CYTH3: variants seen among roughly 807,000 people sequenced by gnomAD.
The protein encoded by CYTH3 is cytohesin-3.
A neutral mutation model predicts 55.1 loss-of-function variants in CYTH3; 23 were observed. The observed-to-expected ratio is 0.42, with a 90% CI of 0.30 to 0.59. The LOEUF (loss-of-function observed/expected upper bound fraction) is 0.59, where lower values mean the gene tolerates loss of function less well. CYTH3 is among the 20% of genes least tolerant of loss of function. The pLI, the probability that CYTH3 is intolerant of heterozygous loss-of-function variation, is 0.20. For missense variants in CYTH3, 413 were observed against 524.8 expected, an observed-to-expected ratio of 0.79 and a Z score of 2.08; for synonymous variants, 249 against 194.9, an observed-to-expected ratio of 1.28 and a Z score of -2.31.
At chr7:6,173,910 GTCTGCAAC>G (rs1783267014) in intron 5 of CYTH3, among the ~76,000 whole-genome samples, 177 bp from the exon 6 acceptor site, 1 of 152,130 alleles carries the variant, frequency 6.6e-6, no homozygotes, top group Non-Finnish European at 1.5e-5. Flanking sequence ...ACCCAGGCTG[GTCTGCAAC>G]TCCTGGGCTC....
chr7:6,205,024 G>C (rs902476087), intron 1 of CYTH3, among the ~76,000 whole-genome samples: 30 of 152,046 alleles, frequency 2.0e-4, no homozygotes, highest in African/African-American at 7.2e-4. Flanking sequence ...AAATTAGCCA[G>C]GTATGGTGGT....
chr7:6,219,942 T>G (rs1353757984), intron 1 of CYTH3, among the ~76,000 whole-genome samples: 1 of 152,174 alleles, frequency 6.6e-6, no homozygotes, highest in South Asian at 2.1e-4. Context: ...GACTGTGGTG[T>G]TGGCAGAGGG....
At chr7:6,211,951 A>G (rs1319784322) in intron 1 of CYTH3, among the ~76,000 whole-genome samples, 1 of 152,198 alleles carries the variant, frequency 6.6e-6, no homozygotes, top group African/African-American at 2.4e-5. Flanking sequence ...GTGCCACTGC[A>G]CTCCAGCCTG....
At chr7:6,191,619 A>G (rs1441493240) in intron 1 of CYTH3, among the ~76,000 whole-genome samples, 1 of 140,188 alleles carries the variant, frequency 7.1e-6, no homozygotes, top group Non-Finnish European at 1.5e-5. Flanking sequence ...TTTTTGAGAC[A>G]GAATCTGACT....
At chr7:6,233,439 G>A (rs536013516) in intron 1 of CYTH3, among the ~76,000 whole-genome samples, 3 of 152,204 alleles carry the variant, frequency 2.0e-5, no homozygotes, top group East Asian at 1.9e-4. Context: ...GGCAGATCAC[G>A]AGGTGAGGAG....
chr7:6,206,916 T>C (rs1457500557), intron 1 of CYTH3, among the ~76,000 whole-genome samples: 1 of 152,124 alleles, frequency 6.6e-6, no homozygotes, highest in East Asian at 1.9e-4. Flanking sequence ...TTTTTCGTTT[T>C]AGAGAGACTA....
intron 1 of CYTH3, among the ~76,000 whole-genome samples, chr7:6,191,037 A>G (rs979743486): frequency 1.3e-5 from 2 of 151,986 alleles, no homozygotes; most frequent in African/African-American, 4.8e-5. Flanking sequence ...AAATCACATC[A>G]CTGCACTCCA....
In CYTH3 at chr7:6,205,875, T is replaced by TAAAAAAA. The variant is rs370194149; in HGVS notation, c.35-15351_35-15345dup. On this transcript the variant is annotated intron_variant, in intron 1 of 12. Transcript: ENST00000350796. ...GGTGACAGAGCAAGGTCCTATCTCT[T>TAAAAAAA]AAAAAAAAAAAAAAAAAAAAAAAAA... Among the ~76,000 whole-genome samples, 49 of 28,086 alleles carry TAAAAAAA rather than the reference T, an allele frequency of 1.7e-3. 2 individuals are homozygous for TAAAAAAA. The highest frequency in any genetic ancestry group is 7.5e-3 in the African/African-American group (48 of 6,410). 18.4% of individuals were successfully genotyped at this position (28,086 alleles called of 152,430 possible).
intron 9 of CYTH3, among the ~76,000 whole-genome samples, chr7:6,168,989 A>C (rs773954776): frequency 5.9e-5 from 9 of 152,162 alleles, no homozygotes; most frequent in Non-Finnish European, 1.2e-4. Flanking sequence ...TCACTCTAGA[A>C]CACTCGCACA....
In CYTH3 at chr7:6,201,731, C is replaced by T. The variant is rs146315118; in HGVS notation, c.35-11200G>A. On this transcript the variant is annotated intron_variant, in intron 1 of 12. Transcript: ENST00000350796. Reference sequence around the variant, plus strand: ...TGTAAATAAGAAGGGAAGTAATTTGCTCTCAAGTTCTTAGGGTTCGAAGGC... The same window carrying T: ...TGTAAATAAGAAGGGAAGTAATTTGTTCTCAAGTTCTTAGGGTTCGAAGGC... Among the ~76,000 whole-genome samples, 410 of 152,252 alleles carry T rather than the reference C, an allele frequency of 2.7e-3. 4 individuals carry two copies. Among genetic ancestry groups the T allele is most frequent in the African/African-American group, 9.2e-3 (381 of 41,532 alleles).
chr7:6,253,572 CT>C (rs1264356945), intron 1 of CYTH3, among the ~76,000 whole-genome samples: 1 of 151,968 alleles, frequency 6.6e-6, no homozygotes, highest in Admixed American at 6.6e-5. Flanking sequence ...AATCCCAACA[CT>C]TTGGGAGGCC....
At chr7:6,176,337 C>T (rs1435571641) in intron 5 of CYTH3, among the ~76,000 whole-genome samples, 1 of 144,128 alleles carries the variant, frequency 6.9e-6, no homozygotes, top group Non-Finnish European at 1.5e-5. Context: ...TCTTGGCTCA[C>T]TGCAAGCTCC....
At chr7:6,263,254 T>C (rs146100486) in intron 1 of CYTH3, among the ~76,000 whole-genome samples, 31 of 152,280 alleles carry the variant, frequency 2.0e-4, no homozygotes, top group African/African-American at 6.0e-4. Context: ...TTCTTACCCA[T>C]GAGATAGGTA....
At chr7:6,268,720 G>A (rs887724572) in intron 1 of CYTH3, among the ~76,000 whole-genome samples, 2 of 152,190 alleles carry the variant, frequency 1.3e-5, no homozygotes, top group Admixed American at 6.5e-5. Context: ...TTACACGCCT[G>A]TAATTTTTAA....
intron 1 of CYTH3, among the ~76,000 whole-genome samples, chr7:6,206,982 C>T (rs774749640): frequency 1.1e-4 from 16 of 151,646 alleles, no homozygotes; most frequent in Non-Finnish European, 2.1e-4. Context: ...TTAAGTAAAC[C>T]ATTATTTTTA....
At chr7:6,265,306 C>G (rs536155626) in intron 1 of CYTH3, among the ~76,000 whole-genome samples, 2 of 150,072 alleles carry the variant, frequency 1.3e-5, no homozygotes, top group African/African-American at 5.1e-5. Flanking sequence ...GTTTACTATC[C>G]GGCCCTTTTA....
At chr7:6,259,097 A>G (rs1357127132) in intron 1 of CYTH3, among the ~76,000 whole-genome samples, 1 of 152,228 alleles carries the variant, frequency 6.6e-6, no homozygotes, top group Non-Finnish European at 1.5e-5. Context: ...GATGTCCAAA[A>G]TAAACGGAGA....
chr7:6,193,572 G>T (rs1353635279), intron 1 of CYTH3, among the ~76,000 whole-genome samples: 3 of 152,134 alleles, frequency 2.0e-5, no homozygotes, highest in African/African-American at 7.2e-5. Flanking sequence ...AGCCCACAGT[G>T]GCGTAGACCA....
At position 6,196,082 on chromosome 7, in the gene CYTH3, T is replaced by A. The variant is rs1583772985; in HGVS notation, c.35-5551A>T. 5.3e-5 allele frequency among the ~76,000 whole-genome samples: 8 copies of A among 152,202 alleles called. No individual in the cohort carries two copies. In the South Asian group the frequency reaches 1.7e-3, roughly 31 times the overall value. On this transcript the variant is annotated intron_variant, in intron 1 of 12. Coordinates refer to ENST00000350796, the MANE Select transcript of CYTH3 (RefSeq NM_004227.4). Reference sequence around the variant, plus strand: ...CTAGGCTTCCCCCAGCAACTGAAACTACATGCTTCCTTAGTCCTATGTCTC... The same window carrying A: ...CTAGGCTTCCCCCAGCAACTGAAACAACATGCTTCCTTAGTCCTATGTCTC...
Sources: gnomAD v4.1 joint callset for allele counts (sites outside exome capture counted in the v4.1 genomes callset) on GRCh38, gnomAD v4.1.1 for gene constraint, MANE v1.5 for transcripts, NCBI Gene and HGNC (gene_info 2026-07-23, HGNC 2026-07-21) for gene names.